Variants in EXOC2 observed in about 807,000 individuals in gnomAD.
The protein encoded by EXOC2 is SEC5-like 1.
In EXOC2, 70 loss-of-function variants were observed where a neutral mutation model predicts 131.8. The ratio of observed to expected loss-of-function variants is 0.53; its 90% CI spans 0.44 to 0.65. EXOC2 has a LOEUF of 0.65. Ranked by LOEUF, EXOC2 falls within the 30% of genes least tolerant of loss-of-function variation. The probability of loss-of-function intolerance (pLI) is 0.00; values close to 1 mark genes in which losing one functional copy is unlikely to be tolerated. For synonymous variants in EXOC2, 411 were observed against 398.4 expected, an observed-to-expected ratio of 1.03 and a Z score of -0.38; for missense variants, 923 against 1,108.6, an observed-to-expected ratio of 0.83 and a Z score of 2.38.
chr6:489,152 A>G (rs1763272498), intron 26 of EXOC2, 114 bp from the exon 27 acceptor site: 3 of 970,582 alleles, frequency 3.1e-6, no homozygotes, highest in Admixed American at 2.5e-5. Flanking sequence ...AAGCAAGGAA[A>G]TATGAGAAAA....
intron 1 of EXOC2, among the ~76,000 whole-genome samples, chr6:664,017 C>T (rs879704663): frequency 1.3e-5 from 2 of 152,240 alleles, no homozygotes; most frequent in South Asian, 2.1e-4. Context: ...AAGATATTAT[C>T]GTTTACCTTG....
At chr6:655,995 T>C in intron 1 of EXOC2, 1 of 746,300 alleles carries the variant, frequency 1.3e-6, no homozygotes, top group Non-Finnish European at 2.2e-6. Flanking sequence ...CAACAAAATA[T>C]ACGCCCTGCA....
chr6:599,007 A>C (rs1183379269), intron 8 of EXOC2, 66 bp from the exon 9 acceptor site: 3 of 1,565,478 alleles, frequency 1.9e-6, no homozygotes, highest in Non-Finnish European at 2.6e-6. Context: ...GGTTAATATA[A>C]AAAACATCTT....
intron 26 of EXOC2, among the ~76,000 whole-genome samples, chr6:489,843 TTC>T (rs1165012386): frequency 6.6e-6 from 1 of 151,958 alleles, no homozygotes; most frequent in Non-Finnish European, 1.5e-5. Flanking sequence ...TTGAGCAATA[TTC>T]CTCAAATCAG....
At chr6:501,121 A>ATATATATTATATATATCTATATAT (rs1561785156) in intron 23 of EXOC2, among the ~76,000 whole-genome samples, 18 of 66,260 alleles carry the variant, frequency 2.7e-4, no homozygotes, top group East Asian at 1.1e-3. Context: ...ATATATATCT[A>ATATATATTATATATATCTATATAT]TATATATTAT....
Position 532,538 on chromosome 6 carries a change from T to C in EXOC2, c.2311A>G (p.Ile771Val). The C allele has an allele frequency of 6.2e-7, 1 of 1,609,770 alleles. No individual in the cohort carries two copies. Among genetic ancestry groups the C allele is most frequent in the Admixed American group, 1.7e-5 (1 of 59,036 alleles). Reference sequence around the variant, plus strand: ...ATTCCAGGTTCTAAGGAGCCAACGATGGGATCTGCTTTCAACTCGATGTAA... The same window carrying C: ...ATTCCAGGTTCTAAGGAGCCAACGACGGGATCTGCTTTCAACTCGATGTAA... ...ENYIELKADP[I>V]VGSLEPGIYA... Residue 771 changes from isoleucine to valine, a missense_variant, in exon 23 of 28, where the codon ATC becomes GTC. Coordinates refer to ENST00000230449, the MANE Select transcript of EXOC2 (RefSeq NM_018303.6).
At chr6:521,740 T>A (rs1277132631) in intron 23 of EXOC2, among the ~76,000 whole-genome samples, 1 of 152,002 alleles carries the variant, frequency 6.6e-6, no homozygotes, top group African/African-American at 2.4e-5. Context: ...GTTGCCCAGG[T>A]TGGTCTCTAA....
intron 13 of EXOC2, among the ~76,000 whole-genome samples, chr6:568,603 T>C (rs9378419): frequency 0.098 from 14,864 of 152,146 alleles, 970 homozygotes; most frequent in African/African-American, 0.19. Context: ...AGCACCCTGA[T>C]TCGTGGACGC....
intron 1 of EXOC2, among the ~76,000 whole-genome samples, chr6:687,168 A>ATTATTTTTTTTTTTT (rs1292769233): frequency 2.5e-5 from 1 of 40,702 alleles, no homozygotes; most frequent in Non-Finnish European, 5.6e-5. Context: ...ATCAAATAAT[A>ATTATTTTTTTTTTTT]TTCTTTTTTT....
In EXOC2 at chr6:598,937, T is replaced by C. The variant is rs1325511805; in HGVS notation, c.893A>G (p.Asp298Gly). The stretch of plus-strand genomic sequence containing the variant: ...ATAATCATTAATAACCACATCATAA[T>C]CACCCTTTAAAATAAAGAAACATTT... ...LNIERNIQKG[D>G]YDVVINDYEK... The change falls in exon 9 of 28, where the codon GAT (aspartate) becomes GGT (glycine). Residue 298 changes from aspartate (D) to glycine (G), a missense_variant. Coordinates refer to ENST00000230449, the MANE Select transcript of EXOC2 (RefSeq NM_018303.6). 4 of 1,604,686 alleles carry C rather than the reference T, an allele frequency of 2.5e-6. No homozygotes were observed. Among genetic ancestry groups the C allele is most frequent in the Admixed American group, 1.7e-5 (1 of 58,080 alleles).
chr6:619,433 G>C lies in EXOC2; in HGVS notation c.533C>G (p.Thr178Ser). ...TGACAGTCCCATATCCACTAACCTGGTGTTTGAGTGATTCTCTATAAGATA... is the reference window on the plus strand; with the variant it reads ...TGACAGTCCCATATCCACTAACCTGCTGTTTGAGTGATTCTCTATAAGATA... The part of the protein sequence containing the change: ...AWYLIENHSN[T>S]SFEQLKMAVT... The change falls in exon 5 of 28, where the codon ACC becomes AGC. Residue 178 changes from threonine to serine, a missense_variant. Coordinates refer to ENST00000230449, the MANE Select transcript of EXOC2 (RefSeq NM_018303.6). The C allele has an allele frequency of 6.2e-7, 1 of 1,611,434 alleles. No individual in the cohort carries two copies.
intron 6 of EXOC2, among the ~76,000 whole-genome samples, chr6:614,733 A>G (rs540046060): frequency 5.4e-4 from 82 of 152,330 alleles, no homozygotes; most frequent in Non-Finnish European, 8.7e-4. Context: ...TTTAATATAA[A>G]TAAGCTATAT....
chr6:642,293 T>C (rs992637493), intron 1 of EXOC2, among the ~76,000 whole-genome samples: 2 of 152,226 alleles, frequency 1.3e-5, no homozygotes, highest in African/African-American at 4.8e-5. Flanking sequence ...GTTTCTTCTT[T>C]GAAAACACAT....
Position 632,929 on chromosome 6 carries a change from G to A in EXOC2, c.295+12C>T. On this transcript the variant is annotated intron_variant, in intron 3 of 27. Coordinates refer to ENST00000230449, the MANE Select transcript of EXOC2 (RefSeq NM_018303.6). ...ACTTTCTTCTTTAGAATAAACCCATGAAAGACTTTACCTATTTTCTCAGGT... is the reference window on the plus strand; with the variant it reads ...ACTTTCTTCTTTAGAATAAACCCATAAAAGACTTTACCTATTTTCTCAGGT... The A allele has an allele frequency of 6.2e-7, 1 of 1,600,450 alleles. No homozygotes were observed. The highest frequency in any genetic ancestry group is 8.5e-7 in the Non-Finnish European group (1 of 1,173,156).
chr6:569,397 A>G (rs1581459114), intron 13 of EXOC2, among the ~76,000 whole-genome samples: 5 of 152,202 alleles, frequency 3.3e-5, no homozygotes, highest in South Asian at 2.1e-4. Flanking sequence ...AGAACTGACT[A>G]TTTTTTAAAC....
At chr6:516,319 T>A (rs1765163435) in intron 23 of EXOC2, among the ~76,000 whole-genome samples, 1 of 152,216 alleles carries the variant, frequency 6.6e-6, no homozygotes, top group South Asian at 2.1e-4. Flanking sequence ...GGAAGACAGC[T>A]GCTAGGCCAC....
chr6:502,755 C>T (rs1383812471), intron 23 of EXOC2, among the ~76,000 whole-genome samples: 1 of 152,058 alleles, frequency 6.6e-6, no homozygotes, highest in Non-Finnish European at 1.5e-5. Flanking sequence ...AAGACGTAAC[C>T]TTGGACAAGA....
At chr6:562,949 G>A (rs182418545) in intron 16 of EXOC2, 104 bp from the exon 17 acceptor site, 1,157 of 782,116 alleles carry the variant, frequency 1.5e-3, no homozygotes, top group Middle Eastern at 2.8e-3. Flanking sequence ...TTTTATATAG[G>A]TTTGTAAAAA....
chr6:641,551 A>G (rs1762353576), intron 1 of EXOC2, among the ~76,000 whole-genome samples: 2 of 152,328 alleles, frequency 1.3e-5, no homozygotes, highest in African/African-American at 4.8e-5. Context: ...CGACTTAATC[A>G]ATCATGCCTA....
Sources: gnomAD v4.1 joint callset for allele counts (sites outside exome capture counted in the v4.1 genomes callset) on GRCh38, gnomAD v4.1.1 for gene constraint, MANE v1.5 for transcripts, NCBI Gene and HGNC (gene_info 2026-07-23, HGNC 2026-07-21) for gene names.